RNF170: variants seen among roughly 807,000 people sequenced by gnomAD.
RNF170 encodes E3 ubiquitin-protein ligase RNF170.
A neutral mutation model predicts 32.7 loss-of-function variants in RNF170; 12 were observed. The observed-to-expected ratio is 0.37, with a 90% CI of 0.24 to 0.60. The LOEUF is 0.60. RNF170 is among the 20% of genes least tolerant of loss of function. The probability of loss-of-function intolerance (pLI) is 0.72; values close to 1 mark genes in which losing one functional copy is unlikely to be tolerated. For synonymous variants in RNF170, 91 were observed against 103.6 expected, an observed-to-expected ratio of 0.88 and a Z score of 0.74; for missense variants, 212 against 311.2, an observed-to-expected ratio of 0.68 and a Z score of 2.40.
chr8:42,896,347 C>T (rs1337251190), intron 1 of RNF170, 137 bp downstream of exon 1: 6 of 413,336 alleles, frequency 1.5e-5, no homozygotes, highest in Admixed American at 8.2e-5. Context: ...GGGAGGGGCC[C>T]GGGGGGAAGG....
chr8:42,894,303 G>A (rs1806563579), intron 1 of RNF170, among the ~76,000 whole-genome samples: 1 of 152,188 alleles, frequency 6.6e-6, no homozygotes, highest in Non-Finnish European at 1.5e-5. Flanking sequence ...CTGGAGGAAG[G>A]GTGCTCAGGA....
At chr8:42,862,709 T>C (rs1438280477) in intron 5 of RNF170, among the ~76,000 whole-genome samples, 1 of 152,156 alleles carries the variant, frequency 6.6e-6, no homozygotes, top group African/African-American at 2.4e-5. Flanking sequence ...GCACAGAAGG[T>C]GGTGAGAACA....
chr8:42,872,309 G>A (rs11984732), intron 3 of RNF170, among the ~76,000 whole-genome samples: 13,409 of 152,238 alleles, frequency 0.088, 1,448 homozygotes, highest in African/African-American at 0.26. Flanking sequence ...GAGAATAATA[G>A]TAGTTGCCTT....
At chr8:42,880,197 T>C (rs1461920309) in intron 2 of RNF170, among the ~76,000 whole-genome samples, 7 of 151,316 alleles carry the variant, frequency 4.6e-5, no homozygotes, top group African/African-American at 1.2e-4. Flanking sequence ...AGATGAGGAG[T>C]TGCTTCCTAT....
chr8:42,857,691 AAAT>A (rs983879479), intron 6 of RNF170, among the ~76,000 whole-genome samples: 49 of 152,330 alleles, frequency 3.2e-4, no homozygotes, highest in Middle Eastern at 3.4e-3. Flanking sequence ...CTGACACAAA[AAAT>A]AATAATTGAG....
At chr8:42,888,776 C>G (rs953120514) in intron 1 of RNF170, among the ~76,000 whole-genome samples, 6 of 149,416 alleles carry the variant, frequency 4.0e-5, no homozygotes, top group Admixed American at 2.7e-4. Context: ...CCAACCTCCC[C>G]ACCCCCCAAC....
Position 42,896,517 on chromosome 8 carries a change from C to G in RNF170, c.-41G>C, listed in dbSNP as rs1162567697. On this transcript the variant is annotated 5_prime_UTR_variant, in exon 1 of 7. Coordinates refer to ENST00000527424, the MANE Select transcript of RNF170 (RefSeq NM_030954.4). ...CGCGAAGGAACTACCTCGCCAGTTC[C>G]CGGCGACAGAGGACAGATTATTTCC... 2.2e-6 allele frequency: 1 copy of G among 453,884 alleles called. No individual in the cohort carries two copies. The highest frequency in any genetic ancestry group is 4.4e-6 in the Non-Finnish European group (1 of 226,738). 28.1% of individuals were successfully genotyped at this position (453,884 alleles called of 1,614,324 possible).
intron 4 of RNF170, among the ~76,000 whole-genome samples, chr8:42,866,267 C>T (rs1016688761): frequency 5.3e-5 from 8 of 151,760 alleles, no homozygotes; most frequent in South Asian, 2.1e-4. Flanking sequence ...AGTGGCCAGG[C>T]GCGGTGGCTC....
In RNF170 at chr8:42,873,970, C is replaced by T; in HGVS notation, c.174G>A (p.Glu58=). The T allele has an allele frequency of 6.2e-7, 1 of 1,603,844 alleles. No homozygotes were observed. Among genetic ancestry groups the T allele is most frequent in the Non-Finnish European group, 8.5e-7 (1 of 1,170,856 alleles). Residue 58 remains glutamate (E), a synonymous_variant, in exon 3 of 7, where the codon GAG becomes GAA. Coordinates refer to ENST00000527424, the MANE Select transcript of RNF170 (RefSeq NM_030954.4). ...VHQNIHPENQ[E]LVRVLREQLQ... ...GCTGTTCTCGAAGTACCCTTACTAG[C>T]TCCTGGTTTTCTGGGTGAATGTTTT... is the stretch of plus-strand genomic sequence containing the variant.
Position 42,869,990 on chromosome 8 carries a change from C to T in RNF170, c.322+14G>A, listed in dbSNP as rs375632348. ...ACACAGTCACTTTTCCCAAGTATAG[C>T]GTTGTTTGCTTACCACAAAAAAGAT... is the stretch of plus-strand genomic sequence containing the variant. On this transcript the variant is annotated intron_variant, in intron 4 of 6. Coordinates refer to ENST00000527424, the MANE Select transcript of RNF170 (RefSeq NM_030954.4). 33 of 1,581,940 alleles carry T rather than the reference C, an allele frequency of 2.1e-5. No homozygotes were observed. In the African/African-American group the frequency reaches 3.0e-4, roughly 14 times the overall value.
intron 4 of RNF170, among the ~76,000 whole-genome samples, chr8:42,869,158 C>G (rs1163737353): frequency 6.6e-6 from 1 of 152,178 alleles, no homozygotes; most frequent in Non-Finnish European, 1.5e-5. Flanking sequence ...AATCCTCCTG[C>G]CTTAGCCTCC....
chr8:42,874,943 C>T lies in RNF170; in HGVS notation c.138-937G>A, dbSNP rs189704760. On this transcript the variant is annotated intron_variant, in intron 2 of 6. Coordinates refer to ENST00000527424, the MANE Select transcript of RNF170 (RefSeq NM_030954.4). ...TCCCAGCACTTTGGGAGGCCGAGGC[C>T]GGTGGATCACCTGAGGTTGGGAGTT... Among the ~76,000 whole-genome samples, 53 of 151,276 alleles carry T rather than the reference C, an allele frequency of 3.5e-4. No homozygotes were observed. In the East Asian group the frequency reaches 7.5e-3, roughly 21 times the overall value.
chr8:42,883,185 T>C (rs1586542395), intron 2 of RNF170, among the ~76,000 whole-genome samples: 2 of 152,222 alleles, frequency 1.3e-5, no homozygotes, highest in South Asian at 2.1e-4. Context: ...GTTGAAATAC[T>C]ACCTATTGAG....
In RNF170 at chr8:42,866,801, G is replaced by A. The variant is rs1232096512; in HGVS notation, c.323-1312C>T. On this transcript the variant is annotated intron_variant, in intron 4 of 6. Transcript: ENST00000527424. Reference sequence around the variant, plus strand: ...AGTCTGGCGACCTCAAGAAGGCACGGGTGTGCCAAGTGTATAAGCACCAAA... The same window carrying A: ...AGTCTGGCGACCTCAAGAAGGCACGAGTGTGCCAAGTGTATAAGCACCAAA... Among the ~76,000 whole-genome samples the A allele has an allele frequency of 2.0e-5, 3 of 152,298 alleles. No individual in the cohort carries two copies. In the East Asian group the frequency reaches 5.8e-4, roughly 29 times the overall value.
downstream of RNF170, chr8:42,850,873 TG>T: frequency 3.2e-6 from 5 of 1,551,644 alleles, no homozygotes; most frequent in Non-Finnish European, 4.4e-6. Flanking sequence ...CATTCGGTCA[TG>T]GGGTATATGC....
At chr8:42,876,457 A>C (rs1165763121) in intron 2 of RNF170, among the ~76,000 whole-genome samples, 1 of 151,612 alleles carries the variant, frequency 6.6e-6, no homozygotes, top group Non-Finnish European at 1.5e-5. Context: ...AAGAGACATG[A>C]GATAACCTGC....
intron 4 of RNF170, among the ~76,000 whole-genome samples, chr8:42,866,678 T>C (rs1025244057): frequency 3.3e-5 from 5 of 152,050 alleles, no homozygotes; most frequent in Admixed American, 6.6e-5. Flanking sequence ...AGTTCAAGAA[T>C]TGAATCAACT....
chr8:42,858,288 A>G (rs79098854), intron 6 of RNF170, among the ~76,000 whole-genome samples: 3,001 of 152,246 alleles, frequency 0.02, 45 homozygotes, highest in Middle Eastern at 0.037. Flanking sequence ...ATCATCCATA[A>G]CAGTTGAAAT....
upstream of RNF170, chr8:42,896,962 C>T (rs1300064124): frequency 7.1e-6 from 3 of 421,754 alleles, no homozygotes; most frequent in Non-Finnish European, 1.2e-5. Context: ...AGGAGGGGCG[C>T]TGGGGGTGAC....
Sources: gnomAD v4.1 joint callset for allele counts (sites outside exome capture counted in the v4.1 genomes callset) on GRCh38, gnomAD v4.1.1 for gene constraint, MANE v1.5 for transcripts, NCBI Gene and HGNC (gene_info 2026-07-23, HGNC 2026-07-21) for gene names.